PPM1E: variants seen among roughly 807,000 people sequenced by gnomAD.
PPM1E encodes the protein protein phosphatase 1E.
A neutral mutation model predicts 65.9 loss-of-function variants in PPM1E; 20 were observed. That is an observed-to-expected ratio of 0.30 (90% CI 0.21 to 0.44). PPM1E has a LOEUF of 0.44. Ranked by LOEUF, PPM1E falls within the 20% of genes least tolerant of loss-of-function variation. PPM1E has a pLI of 1.00. For missense variants in PPM1E, 713 were observed against 953.1 expected, an observed-to-expected ratio of 0.75 and a Z score of 3.32; for synonymous variants, 352 against 374.9, an observed-to-expected ratio of 0.94 and a Z score of 0.70.
intron 1 of PPM1E, among the ~76,000 whole-genome samples, chr17:58,843,956 G>A (rs576726565): frequency 6.6e-6 from 1 of 152,312 alleles, no homozygotes; most frequent in South Asian, 2.1e-4. Context: ...ACCTTCAAAG[G>A]AGGGTGCAGA....
chr17:58,934,197 TAA>T (rs1234643759), intron 1 of PPM1E, among the ~76,000 whole-genome samples: 2 of 152,034 alleles, frequency 1.3e-5, no homozygotes, highest in Admixed American at 6.5e-5. Flanking sequence ...TCTTTCATTA[TAA>T]GTCTTGTAAT....
intron 1 of PPM1E, among the ~76,000 whole-genome samples, chr17:58,930,754 G>GA (rs886388609): frequency 1.4e-4 from 21 of 151,884 alleles, no homozygotes; most frequent in African/African-American, 4.8e-4. Context: ...GGAAGCTAGA[G>GA]AAAAAAATGA....
intron 1 of PPM1E, among the ~76,000 whole-genome samples, chr17:58,853,047 G>A (rs2050844359): frequency 6.6e-6 from 1 of 151,994 alleles, no homozygotes; most frequent in Non-Finnish European, 1.5e-5. Flanking sequence ...TCATTCTGTG[G>A]GTTGTCTTTC....
At chr17:58,860,049 G>C (rs777062767) in intron 1 of PPM1E, among the ~76,000 whole-genome samples, 49 of 152,178 alleles carry the variant, frequency 3.2e-4, no homozygotes, top group Non-Finnish European at 6.8e-4. Flanking sequence ...TTATGTGGCT[G>C]TCATTTAGGG....
Position 58,877,915 on chromosome 17 carries a change from G to A in PPM1E, c.465-77734G>A, listed in dbSNP as rs532859491. Among the ~76,000 whole-genome samples, 6 of 151,680 alleles carry A rather than the reference G, an allele frequency of 4.0e-5. No individual in the cohort carries two copies. In the South Asian group the frequency reaches 1.3e-3, roughly 32 times the overall value. Reference sequence around the variant, plus strand: ...AGCTGAAAGAGGGATTATGGTAAGAGGATCCATAAATAATAAAAATTTGAT... The same window carrying A: ...AGCTGAAAGAGGGATTATGGTAAGAAGATCCATAAATAATAAAAATTTGAT... On this transcript the variant is annotated intron_variant, in intron 1 of 6. Transcript: ENST00000308249.
At chr17:58,829,815 A>G (rs570584397) in intron 1 of PPM1E, among the ~76,000 whole-genome samples, 1 of 152,288 alleles carries the variant, frequency 6.6e-6, no homozygotes, top group South Asian at 2.1e-4. Context: ...CAGATATTTC[A>G]GTTAATTTTG....
chr17:58,899,161 TA>T (rs567594658), intron 1 of PPM1E, among the ~76,000 whole-genome samples: 3 of 149,260 alleles, frequency 2.0e-5, no homozygotes, highest in East Asian at 2.0e-4. Context: ...GTATAATATA[TA>T]AAAAAAAGAA....
rs947457295 is a variant in PPM1E, at chr17:58,852,552, C to T, written c.464+96091C>T. 2.8e-5 allele frequency among the ~76,000 whole-genome samples: 4 copies of T among 144,638 alleles called. 1 individual carries two copies. Among genetic ancestry groups the T allele is most frequent in the Admixed American group, 2.8e-4 (4 of 14,542 alleles). 94.9% of individuals were successfully genotyped at this position (144,638 alleles called of 152,430 possible). ...TTTCCTAATGATTAGTGATACTGAACTTTTTTTTTTAAATGTGCTTTATGA... is the reference window on the plus strand; with the variant it reads ...TTTCCTAATGATTAGTGATACTGAATTTTTTTTTTTAAATGTGCTTTATGA... On this transcript the variant is annotated intron_variant, in intron 1 of 6. Coordinates refer to ENST00000308249, the MANE Select transcript of PPM1E (RefSeq NM_014906.5).
intron 1 of PPM1E, among the ~76,000 whole-genome samples, chr17:58,840,624 G>A (rs900356638): frequency 6.6e-5 from 10 of 151,278 alleles, no homozygotes; most frequent in Admixed American, 3.3e-4. Flanking sequence ...CAGAAAGTAA[G>A]AAAGTGCTAA....
chr17:58,816,906 C>A (rs1156598588), intron 1 of PPM1E, among the ~76,000 whole-genome samples: 1 of 150,468 alleles, frequency 6.6e-6, no homozygotes, highest in Non-Finnish European at 1.5e-5. Context: ...AGTGATCCTC[C>A]CACCTCAGCC....
intron 1 of PPM1E, among the ~76,000 whole-genome samples, chr17:58,866,290 G>A (rs1050084177): frequency 1.8e-4 from 27 of 152,212 alleles, no homozygotes; most frequent in African/African-American, 5.8e-4. Context: ...CTGGAAGGCA[G>A]AACACGTAGA....
chr17:58,930,248 T>TACAC (rs563715161), intron 1 of PPM1E, among the ~76,000 whole-genome samples: 4,712 of 141,932 alleles, frequency 0.033, 110 homozygotes, highest in East Asian at 0.12. Context: ...ATTAAATGTA[T>TACAC]ATACACACAC....
intron 6 of PPM1E, among the ~76,000 whole-genome samples, chr17:58,974,215 C>T (rs954668278): frequency 6.6e-6 from 1 of 152,084 alleles, no homozygotes; most frequent in Non-Finnish European, 1.5e-5. Flanking sequence ...AGCCTTTCTC[C>T]GTATTTTATC....
intron 1 of PPM1E, among the ~76,000 whole-genome samples, chr17:58,871,892 G>A (rs1352028116): frequency 2.0e-5 from 3 of 151,822 alleles, no homozygotes; most frequent in Non-Finnish European, 4.4e-5. Flanking sequence ...TCAGAATCTG[G>A]TTAGTTTTAA....
chr17:58,771,993 C>T (rs916518393), intron 1 of PPM1E, among the ~76,000 whole-genome samples: 1 of 152,074 alleles, frequency 6.6e-6, no homozygotes, highest in Admixed American at 6.6e-5. Flanking sequence ...TACTGAGCAC[C>T]TTACATACTG....
intron 1 of PPM1E, among the ~76,000 whole-genome samples, chr17:58,796,419 T>G (rs1296369985): frequency 6.6e-6 from 1 of 152,110 alleles, no homozygotes; most frequent in Non-Finnish European, 1.5e-5. Context: ...TACAGGCATG[T>G]GCCACCAAGC....
intron 1 of PPM1E, among the ~76,000 whole-genome samples, chr17:58,777,925 T>C (rs998731813): frequency 6.6e-6 from 1 of 152,086 alleles, no homozygotes; most frequent in Non-Finnish European, 1.5e-5. Context: ...CACTTATTGG[T>C]TTGATATTGT....
At chr17:58,965,050 A>T (rs202218914) in intron 2 of PPM1E, among the ~76,000 whole-genome samples, 2 of 27,108 alleles carry the variant, frequency 7.4e-5, no homozygotes, top group Non-Finnish European at 2.0e-4. Context: ...CGTCTTAATT[A>T]AAAAAAAAAA....
intron 1 of PPM1E, among the ~76,000 whole-genome samples, chr17:58,799,574 C>G (rs767750292): frequency 6.6e-6 from 1 of 152,190 alleles, no homozygotes; most frequent in African/African-American, 2.4e-5. Flanking sequence ...TCCCAAGTAG[C>G]TGGGACTACA....
Sources: allele counts gnomAD v4.1 joint callset (sites outside exome capture counted in the v4.1 genomes callset), GRCh38; gene constraint gnomAD v4.1.1; transcripts MANE v1.5; gene names NCBI Gene and HGNC (gene_info 2026-07-23, HGNC 2026-07-21).